The following RERE variants were observed in gnomAD, a reference collection of about 807,000 sequenced individuals.
RERE encodes the protein arginine-glutamic acid dipeptide repeats protein.
In RERE, 40 loss-of-function variants were observed where a neutral mutation model predicts 146.1. The ratio of observed to expected loss-of-function variants is 0.27; its 90% confidence interval spans 0.21 to 0.36. RERE has a LOEUF of 0.36. Among genes scored for constraint, RERE ranks in the 10% least tolerant of loss-of-function variants. RERE has a pLI of 1.00. For synonymous variants in RERE, 1,003 were observed against 866.0 expected, an observed-to-expected ratio of 1.16 and a Z score of -2.78; for missense variants, 1,933 against 2,138.7, an observed-to-expected ratio of 0.90 and a Z score of 1.90.
At chr1:8,577,754 T>A (rs1646313761) in intron 4 of RERE, among the ~76,000 whole-genome samples, 1 of 152,182 alleles carries the variant, frequency 6.6e-6, no homozygotes, top group South Asian at 2.1e-4. Flanking sequence ...TATCACTACA[T>A]CTTATTCATT....
intron 12 of RERE, among the ~76,000 whole-genome samples, chr1:8,403,387 CCTT>C (rs1643330119): frequency 6.6e-6 from 1 of 151,062 alleles, no homozygotes; most frequent in Middle Eastern, 3.2e-3. Context: ...GTTTACTTGT[CCTT>C]CTTTTTTACA....
chr1:8,676,953 C>T (rs1252417158), intron 1 of RERE, among the ~76,000 whole-genome samples: 1 of 152,142 alleles, frequency 6.6e-6, no homozygotes, highest in Admixed American at 6.6e-5. Context: ...CCAATTTCCT[C>T]CTTCAAGAAA....
At chr1:8,624,604 G>A (rs140700247) in intron 2 of RERE, among the ~76,000 whole-genome samples, 2,312 of 152,204 alleles carry the variant, frequency 0.015, 61 homozygotes, top group African/African-American at 0.053. Flanking sequence ...ATCTGATGAA[G>A]CCTAAATTAT....
chr1:8,794,660 G>T (rs1363992868), intron 1 of RERE, among the ~76,000 whole-genome samples: 1 of 152,136 alleles, frequency 6.6e-6, no homozygotes, highest in East Asian at 1.9e-4. Context: ...ACTTTGGGAG[G>T]CCAAGGTGGG....
At position 8,514,411 on chromosome 1, in the gene RERE, T is replaced by A. The variant is rs149147790; in HGVS notation, c.831-5736A>T. ...TGGTATAGGGCAGAAGACTTTTAAG[T>A]CGGGAAGCCAAGTCTTGGGATTAAA... On this transcript the variant is annotated intron_variant, in intron 7 of 22. Coordinates refer to ENST00000400908, the MANE Select transcript of RERE (RefSeq NM_001042681.2). 4.1e-3 allele frequency among the ~76,000 whole-genome samples: 624 copies of A among 152,264 alleles called. 5 individuals are homozygous for A. The highest frequency in any genetic ancestry group is 0.014 in the African/African-American group (598 of 41,570).
intron 12 of RERE, among the ~76,000 whole-genome samples, chr1:8,387,573 G>A (rs1055693858): frequency 1.6e-4 from 25 of 152,202 alleles, no homozygotes; most frequent in African/African-American, 5.8e-4. Context: ...TATTTAAGAT[G>A]AGTATCTAGA....
At position 8,574,140 on chromosome 1, in the gene RERE, A is replaced by C. The variant is rs541052920; in HGVS notation, c.523-16617T>G. On this transcript the variant is annotated intron_variant, in intron 4 of 22. Transcript: ENST00000400908. ...TATTTCCATTAATAATTCACTGCAA[A>C]ATATTTTCTAATTTCCACTGTGATT... 5.3e-5 allele frequency among the ~76,000 whole-genome samples: 8 copies of C among 152,082 alleles called. No individual in the cohort carries two copies. In the East Asian group the frequency reaches 1.4e-3, roughly 26 times the overall value.
At chr1:8,408,831 G>A (rs770863745) in intron 12 of RERE, among the ~76,000 whole-genome samples, 4 of 152,154 alleles carry the variant, frequency 2.6e-5, no homozygotes, top group East Asian at 1.9e-4. Flanking sequence ...GCGGGGAGGT[G>A]GAGGCTGGGC....
rs1189060568 is a variant in RERE at position 8,364,911 on chromosome 1, G to A, written c.1448-73C>T. The A allele has an allele frequency of 2.8e-6, 2 of 727,184 alleles. No homozygotes were observed. Among genetic ancestry groups the A allele is most frequent in the East Asian group, 2.8e-5 (1 of 36,134 alleles). The allele number at this position is 727,184 out of a possible 1,614,324, so 45.0% of individuals were successfully genotyped here. ...TCAGCCAAGGCTGGGCCGGTGGGGTGGGGGGGAGGGGGGAACACCTGTGAC... is the reference window on the plus strand; with the variant it reads ...TCAGCCAAGGCTGGGCCGGTGGGGTAGGGGGGAGGGGGGAACACCTGTGAC... On this transcript the variant is annotated intron_variant, in intron 13 of 22. Transcript: ENST00000400908. This position sits in a 1 kb window ranked among gnomAD's most constrained non-coding sequence, Gnocchi z 5.1.
At chr1:8,416,381 C>T (rs301804) in intron 12 of RERE, among the ~76,000 whole-genome samples, 141 of 151,958 alleles carry the variant, frequency 9.3e-4, no homozygotes, top group South Asian at 1.7e-3. Context: ...GTCAGGAGAT[C>T]GAGACCATCC....
chr1:8,565,037 A>G (rs1432747677), intron 4 of RERE, among the ~76,000 whole-genome samples: 3 of 152,160 alleles, frequency 2.0e-5, no homozygotes, highest in Non-Finnish European at 2.9e-5. Context: ...CCCAACTCAC[A>G]GAAGTGAAGA....
intron 2 of RERE, among the ~76,000 whole-genome samples, 184 bp from the exon 3 acceptor site, chr1:8,624,564 T>C (rs1247853736): frequency 6.6e-6 from 1 of 152,234 alleles, no homozygotes; most frequent in East Asian, 1.9e-4. Flanking sequence ...CCTTTGGTTC[T>C]TTCTGATTAT....
intron 11 of RERE, among the ~76,000 whole-genome samples, chr1:8,445,530 A>C (rs1644305290): frequency 6.6e-6 from 1 of 152,152 alleles, no homozygotes; most frequent in Non-Finnish European, 1.5e-5. Context: ...CATCATCTAC[A>C]CATGTAGATG....
At chr1:8,558,385 G>A (rs1434472487) in intron 4 of RERE, among the ~76,000 whole-genome samples, 1 of 152,162 alleles carries the variant, frequency 6.6e-6, no homozygotes, top group Non-Finnish European at 1.5e-5. Context: ...TCAACAGGGA[G>A]TGCACTGAGG....
intron 8 of RERE, among the ~76,000 whole-genome samples, chr1:8,502,042 GT>G (rs1645172850): frequency 2.5e-5 from 2 of 78,602 alleles, no homozygotes; most frequent in African/African-American, 4.7e-5. Flanking sequence ...GGTGGGGGGG[GT>G]CAGCCCCCCG....
intron 7 of RERE, among the ~76,000 whole-genome samples, chr1:8,530,681 T>C (rs982444510): frequency 2.7e-5 from 3 of 109,808 alleles, no homozygotes; most frequent in South Asian, 6.0e-4. Context: ...TTCGTTTTCT[T>C]TTTTTTTTTT....
At chr1:8,456,623 G>A (rs1644456255) in intron 11 of RERE, among the ~76,000 whole-genome samples, 1 of 152,156 alleles carries the variant, frequency 6.6e-6, no homozygotes, top group South Asian at 2.1e-4. Context: ...ATTTAACTGT[G>A]AGGTACAAAA....
chr1:8,775,322 A>G (rs912226444), intron 1 of RERE, among the ~76,000 whole-genome samples: 1 of 152,200 alleles, frequency 6.6e-6, no homozygotes, highest in Admixed American at 6.5e-5. Context: ...CTATAATCCC[A>G]ACACTTTGGG....
At chr1:8,497,816 G>A (rs1645065024) in intron 8 of RERE, among the ~76,000 whole-genome samples, 1 of 152,032 alleles carries the variant, frequency 6.6e-6, no homozygotes, top group Non-Finnish European at 1.5e-5. Flanking sequence ...ACACACATAT[G>A]CATAAAATAA....
Sources: gnomAD v4.1 joint callset for allele counts (sites outside exome capture counted in the v4.1 genomes callset) on GRCh38, gnomAD v4.1.1 for gene constraint, Gnocchi (gnomAD v3.1) non-coding constraint, MANE v1.5 for transcripts, NCBI Gene and HGNC (gene_info 2026-07-23, HGNC 2026-07-21) for gene names.